The following SH3TC2 variants were observed in gnomAD, a reference collection of about 807,000 sequenced individuals.
The protein encoded by SH3TC2 is SH3 domain and tetratricopeptide repeat-containing protein 2.
A neutral mutation model predicts 124.5 loss-of-function variants in SH3TC2; 87 were observed. The observed-to-expected ratio is 0.70, with a 90% CI of 0.59 to 0.84. SH3TC2 has a LOEUF of 0.84. Among genes scored for constraint, SH3TC2 ranks in the 40% least tolerant of loss-of-function variants. The pLI, the probability that SH3TC2 is intolerant of heterozygous loss-of-function variation, is 0.00. For missense variants in SH3TC2, 1,536 were observed against 1,566.4 expected, an observed-to-expected ratio of 0.98 and a Z score of 0.33; for synonymous variants, 634 against 628.5, an observed-to-expected ratio of 1.01 and a Z score of -0.13.
chr5:149,027,909 C>T lies in SH3TC2; in HGVS notation c.1823G>A (p.Ser608Asn). ...LLACLPDRES[S>N]AKHELDVVAY... ...CACCACGTCGAGTTCATGCTTGGCA[C>T]TAGACTCACGGTCAGGCAGGCAGGC... Residue 608 changes from serine (S) to asparagine (N), a missense_variant, in exon 11 of 17, where the codon AGT becomes AAT. Coordinates refer to ENST00000515425, the MANE Select transcript of SH3TC2 (RefSeq NM_024577.4). 1.2e-6 allele frequency: 2 copies of T among 1,614,050 alleles called. No individual in the cohort carries two copies. The highest frequency in any genetic ancestry group is 1.7e-6 in the Non-Finnish European group (2 of 1,180,040).
At chr5:149,021,550 GAA>G (rs1418819189) in intron 12 of SH3TC2, among the ~76,000 whole-genome samples, 1 of 151,738 alleles carries the variant, frequency 6.6e-6, no homozygotes, top group Admixed American at 6.6e-5. Context: ...TAAAAAGAGA[GAA>G]GAGTCTCAGG....
In SH3TC2 at chr5:148,991,533, C is replaced by G. The variant is rs1020556575; in HGVS notation, c.*13178G>C. ...AGCTTTTGCTTTCTGTCAGATAATA[C>G]AGTGGTTATATCTGAAGGGTTTCCC... On this transcript the variant is annotated 3_prime_UTR_variant, in exon 17 of 17. Transcript: ENST00000515425. 6.6e-6 allele frequency among the ~76,000 whole-genome samples: 1 copy of G among 152,176 alleles called. No homozygotes were observed. Among genetic ancestry groups the G allele is most frequent in the Non-Finnish European group, 1.5e-5 (1 of 68,034 alleles).
intron 1 of SH3TC2, 72 bp downstream of exon 1, chr5:149,062,899 C>A (rs1754778414): frequency 5.6e-6 from 8 of 1,416,442 alleles, no homozygotes; most frequent in Non-Finnish European, 7.8e-6. Flanking sequence ...TCCAACCCAG[C>A]AGGTCCCTGA....
intron 1 of SH3TC2, among the ~76,000 whole-genome samples, chr5:149,053,108 C>A (rs771567315): frequency 2.0e-5 from 3 of 152,176 alleles, no homozygotes; most frequent in Non-Finnish European, 2.9e-5. Context: ...AGTTAGGGAA[C>A]CTTGGCTCAA....
At chr5:149,053,704 C>T (rs1754594754) in intron 1 of SH3TC2, among the ~76,000 whole-genome samples, 1 of 152,176 alleles carries the variant, frequency 6.6e-6, no homozygotes, top group Non-Finnish European at 1.5e-5. Context: ...CACCTGTCCA[C>T]TTTGTGAGTT....
chr5:149,042,504 G>C (rs998969408), intron 5 of SH3TC2, among the ~76,000 whole-genome samples, 190 bp downstream of exon 5: 1 of 152,172 alleles, frequency 6.6e-6, no homozygotes, highest in Non-Finnish European at 1.5e-5. Flanking sequence ...AGACTGACCA[G>C]CACAGCTGTT....
chr5:149,031,563 A>C lies in SH3TC2; in HGVS notation c.1126T>G (p.Tyr376Asp). ...GAGGACCAACACTCACTGAGCCGGT[A>C]GACAGATGTGATGTCAGTGCGAGCA... is the stretch of plus-strand genomic sequence containing the variant. ...TLARTDITSV[Y>D]RLSGFESIQN... The change falls in exon 9 of 17, where the codon TAC (tyrosine) becomes GAC (aspartate). Residue 376 changes from tyrosine (Y) to aspartate (D), a missense_variant. Coordinates refer to ENST00000515425, the MANE Select transcript of SH3TC2 (RefSeq NM_024577.4). 2 of 1,614,190 alleles carry C rather than the reference A, an allele frequency of 1.2e-6. No homozygotes were observed. The highest frequency in any genetic ancestry group is 1.7e-6 in the Non-Finnish European group (2 of 1,180,024).
intron 1 of SH3TC2, among the ~76,000 whole-genome samples, chr5:149,054,404 T>C (rs577612251): frequency 6.6e-6 from 1 of 152,322 alleles, no homozygotes; most frequent in African/African-American, 2.4e-5. Flanking sequence ...AAATGCTGAT[T>C]CTGCTTCAGT....
At chr5:149,057,262 T>C (rs919402268) in intron 1 of SH3TC2, among the ~76,000 whole-genome samples, 2 of 140,048 alleles carry the variant, frequency 1.4e-5, no homozygotes, top group African/African-American at 5.7e-5. Flanking sequence ...GAATGCAGTC[T>C]AGGGTCAGTA....
intron 1 of SH3TC2, chr5:149,062,508 C>T: frequency 2.2e-6 from 1 of 452,558 alleles, no homozygotes; most frequent in South Asian, 1.6e-5. Flanking sequence ...ACAAATCACT[C>T]TGTAATAGGT....
chr5:149,040,407 C>T (rs1561769318), intron 7 of SH3TC2, among the ~76,000 whole-genome samples, 197 bp downstream of exon 7: 1 of 152,178 alleles, frequency 6.6e-6, no homozygotes, highest in Non-Finnish European at 1.5e-5. Flanking sequence ...GCATTTGTAG[C>T]TGCCCCCTGG....
chr5:149,008,763 T>C (rs1753733103), intron 15 of SH3TC2, 88 bp downstream of exon 15: 1 of 1,581,368 alleles, frequency 6.3e-7, no homozygotes, highest in African/African-American at 1.3e-5. Context: ...ACAGTCTGAC[T>C]CCAGGGCCTG....
intron 16 of SH3TC2, 126 bp downstream of exon 16, chr5:149,006,755 C>T: frequency 1.0e-6 from 1 of 972,982 alleles, no homozygotes; most frequent in Middle Eastern, 3.2e-4. Flanking sequence ...CCCTATGAGA[C>T]AAGACTTCTC....
rs1229661719 is a variant in SH3TC2 at position 148,993,304 on chromosome 5, GA to G, written c.*11406del. On this transcript the variant is annotated 3_prime_UTR_variant, in exon 17 of 17. Transcript: ENST00000515425. ...AACTACGATGGAAAATTCAGTGGCA[GA>G]AGCTAAAATTTGACCTAAATAAATT... Among the ~76,000 whole-genome samples, 1 of 152,122 alleles carries G rather than the reference GA, an allele frequency of 6.6e-6. No individual in the cohort carries two copies. Among genetic ancestry groups the G allele is most frequent in the South Asian group, 2.1e-4 (1 of 4,826 alleles).
In SH3TC2 at chr5:149,011,933, C is replaced by A. The variant is rs115342899; in HGVS notation, c.3204+651G>T. 7.2e-3 allele frequency among the ~76,000 whole-genome samples: 1,095 copies of A among 152,266 alleles called. 11 individuals carry two copies. Among genetic ancestry groups the A allele is most frequent in the Non-Finnish European group, 9.0e-3 (613 of 68,010 alleles). On this transcript the variant is annotated intron_variant, in intron 13 of 16. Transcript: ENST00000515425. The stretch of plus-strand genomic sequence containing the variant: ...GAGCACTTAATAAATGCTTACTATG[C>A]ATTTACTACTATGCAAGTGAGATAT...
In SH3TC2 at chr5:149,002,743, C is replaced by G. The variant is rs1009698245; in HGVS notation, c.*1968G>C. On this transcript the variant is annotated 3_prime_UTR_variant, in exon 17 of 17. Transcript: ENST00000515425. The stretch of plus-strand genomic sequence containing the variant: ...TTCACAGAAAAGGAGCAAGGGTGAA[C>G]CACCTGCATCAGGCTTGCTTGAGTT... 1 of 152,050 alleles carries G rather than the reference C, an allele frequency of 6.6e-6. No individual in the cohort carries two copies. Among genetic ancestry groups the G allele is most frequent in the African/African-American group, 2.4e-5 (1 of 41,300 alleles). The allele number at this position is 152,050 out of a possible 1,614,324, so 9.4% of individuals were successfully genotyped here.
Position 149,008,943 on chromosome 5 carries a change from A to C in SH3TC2, c.3386T>G (p.Phe1129Cys). Residue 1129 changes from phenylalanine to cysteine, a missense_variant, in exon 15 of 17, where the codon TTC becomes TGC. This residue lies in a region of SH3TC2 where 426 missense variants were observed against 443.5 expected (regional missense o/e 0.96). Transcript: ENST00000515425. The stretch of plus-strand genomic sequence containing the variant: ...AATCTGCAGCTCTGTCAGCTTATTG[A>C]AAATCCGGAGCTCAGTTCTCACCGC... Reference protein sequence around the residue: ...LKAVRTELRIFNKLTELQISL... With the variant: ...LKAVRTELRICNKLTELQISL... 1 of 1,614,226 alleles carries C rather than the reference A, an allele frequency of 6.2e-7. No homozygotes were observed. Among genetic ancestry groups the C allele is most frequent in the Non-Finnish European group, 8.5e-7 (1 of 1,180,048 alleles).
chr5:149,032,089 A>C (rs968422874), intron 8 of SH3TC2, among the ~76,000 whole-genome samples: 1 of 152,184 alleles, frequency 6.6e-6, no homozygotes, highest in African/African-American at 2.4e-5. Flanking sequence ...GACCATTAAA[A>C]ATTTTATTTG....
rs116056843 is a variant in SH3TC2, at chr5:148,998,201, C to G, written c.*6510G>C. On this transcript the variant is annotated 3_prime_UTR_variant, in exon 17 of 17. Transcript: ENST00000515425. ...TTGCATATGCACAAACATATGCACACGAGGATAAACCATAAAATGCATTTC... is the reference window on the plus strand; with the variant it reads ...TTGCATATGCACAAACATATGCACAGGAGGATAAACCATAAAATGCATTTC... Among the ~76,000 whole-genome samples the G allele has an allele frequency of 1.3e-5, 2 of 152,138 alleles. No individual in the cohort carries two copies. Among genetic ancestry groups the G allele is most frequent in the African/African-American group, 4.8e-5 (2 of 41,410 alleles).
Sources: allele counts gnomAD v4.1 joint callset (sites outside exome capture counted in the v4.1 genomes callset), GRCh38; gene constraint gnomAD v4.1.1; regional missense constraint gnomAD v4.1.1; transcripts MANE v1.5; gene names NCBI Gene and HGNC (gene_info 2026-07-23, HGNC 2026-07-21).